NLRP1: variants seen among roughly 807,000 people sequenced by gnomAD.
The protein encoded by NLRP1 is NACHT, LRR and PYD domains-containing protein 1.
Under a neutral mutation model 136.7 loss-of-function variants are expected in NLRP1, and 94 were observed. The observed-to-expected ratio is 0.69, with a 90% confidence interval of 0.58 to 0.82. The LOEUF (loss-of-function observed/expected upper bound fraction) is 0.82, where lower values mean the gene tolerates loss of function less well. Ranked by LOEUF, NLRP1 falls within the 40% of genes least tolerant of loss-of-function variation. The probability of loss-of-function intolerance (pLI) is 0.00; values close to 1 mark genes in which losing one functional copy is unlikely to be tolerated. For missense variants in NLRP1, 1,575 were observed against 1,802.7 expected (o/e 0.87, Z 2.29); for synonymous variants, 690 against 725.1 (o/e 0.95, Z 0.78).
intron 3 of NLRP1, among the ~76,000 whole-genome samples, chr17:5,576,453 G>A (rs1905028653): frequency 6.6e-6 from 1 of 152,126 alleles, no homozygotes; most frequent in Admixed American, 6.6e-5. Flanking sequence ...TATCACCACC[G>A]ATCCTACAGA....
At chr17:5,545,433 G>A (rs1213876473) in intron 5 of NLRP1, among the ~76,000 whole-genome samples, 1 of 145,074 alleles carries the variant, frequency 6.9e-6, no homozygotes, top group Non-Finnish European at 1.5e-5. Context: ...CATACACAGA[G>A]ACACACACTT....
intron 3 of NLRP1, among the ~76,000 whole-genome samples, chr17:5,571,994 G>A (rs116625738): frequency 0.018 from 2,702 of 152,206 alleles, 74 homozygotes; most frequent in African/African-American, 0.062. Context: ...AACAAGCAAT[G>A]GGGAAAGCAT....
intron 12 of NLRP1, among the ~76,000 whole-genome samples, chr17:5,524,876 G>A (rs978040680): frequency 1.3e-5 from 2 of 152,270 alleles, no homozygotes; most frequent in Non-Finnish European, 2.9e-5. Flanking sequence ...GCCCAGGACC[G>A]AGAGGGCTCC....
At chr17:5,571,822 G>A (rs1904391813) in intron 3 of NLRP1, among the ~76,000 whole-genome samples, 1 of 152,048 alleles carries the variant, frequency 6.6e-6, no homozygotes, top group South Asian at 2.1e-4. Flanking sequence ...CAAATCTGGA[G>A]GCATCACATT....
intron 5 of NLRP1, among the ~76,000 whole-genome samples, chr17:5,545,369 C>A (rs542267352): frequency 6.8e-6 from 1 of 146,416 alleles, no homozygotes; most frequent in Non-Finnish European, 1.5e-5. Context: ...GACACCCACA[C>A]AGACACAGAC....
intron 3 of NLRP1, among the ~76,000 whole-genome samples, chr17:5,571,884 C>T (rs1233691220): frequency 2.0e-5 from 3 of 152,180 alleles, no homozygotes; most frequent in Admixed American, 1.3e-4. Context: ...CGGCATGCTA[C>T]TGGTACAAAA....
chr17:5,524,898 G>T (rs1420576636), intron 12 of NLRP1, among the ~76,000 whole-genome samples: 1 of 152,204 alleles, frequency 6.6e-6, no homozygotes. Context: ...GGGGGTGCAG[G>T]ACTGTCAGTG....
intron 3 of NLRP1, among the ~76,000 whole-genome samples, chr17:5,566,331 C>T (rs1915330037): frequency 1.3e-5 from 2 of 151,798 alleles, no homozygotes; most frequent in African/African-American, 4.8e-5. Context: ...CTTAATATAT[C>T]CCATAGGTTT....
chr17:5,521,142 C>G (rs1020807807), intron 13 of NLRP1, 130 bp from the exon 14 acceptor site: 2 of 869,118 alleles, frequency 2.3e-6, no homozygotes, highest in African/African-American at 1.7e-5. Context: ...CTCCCTCCCC[C>G]CATGCACTGC....
rs61420769 is a variant in NLRP1, at chr17:5,517,353, C to A, written c.4057+393G>T. 1.8e-4 allele frequency among the ~76,000 whole-genome samples: 14 copies of A among 79,140 alleles called. 1 individual carries two copies. The highest frequency in any genetic ancestry group is 9.5e-4 in the South Asian group (2 of 2,112). 51.9% of individuals were successfully genotyped at this position (79,140 alleles called of 152,430 possible). On this transcript the variant is annotated intron_variant, in intron 15 of 16. Transcript: ENST00000572272. ...AAACTGTGATAGTGCACTCTGCACC[C>A]CCCCCCCTCCCACATACACAGACTT...
chr17:5,504,587 A>G lies in NLRP1; in HGVS notation c.4070-2715T>C, dbSNP rs150504138. 0.01 allele frequency: 1,536 copies of G among 152,268 alleles called. 9 individuals carry two copies. The highest frequency in any genetic ancestry group is 0.017 in the Non-Finnish European group (1,189 of 68,164). 9.4% of individuals were successfully genotyped at this position (152,268 alleles called of 1,614,324 possible). ...GTGAGCTGAGATCACACCACTGCAC[A>G]CCAGCCTGGGTGATAGACTGAGACT... is the stretch of plus-strand genomic sequence containing the variant. On this transcript the variant is annotated intron_variant, in intron 15 of 15. Coordinates refer to the NLRP1 transcript ENST00000262467. The surrounding 1 kb of genome is among the most constrained non-coding windows in gnomAD (Gnocchi z 4.4).
chr17:5,555,026 C>T (rs866961180), intron 4 of NLRP1, among the ~76,000 whole-genome samples: 9 of 114,646 alleles, frequency 7.9e-5, no homozygotes, highest in Non-Finnish European at 1.3e-4. Context: ...ATCACACACA[C>T]ACACACACAC....
At position 5,559,148 on chromosome 17, in the gene NLRP1, C is replaced by G; in HGVS notation, c.1548G>C (p.Leu516=). Residue 516 remains leucine (L), a synonymous_variant, in exon 4 of 17, where the codon CTG becomes CTC. Coordinates refer to ENST00000572272, the MANE Select transcript of NLRP1 (RefSeq NM_033004.4). ...GCCAGGACACCCAGGGCACAAGACA[C>G]AGGGCCCAGAGCTCTTTGTTTGATT... The part of the protein sequence containing the change: ...LVKSNKELWA[L]CLVPWVSWLA... The G allele has an allele frequency of 6.2e-7, 1 of 1,614,194 alleles. No homozygotes were observed. The highest frequency in any genetic ancestry group is 2.2e-5 in the East Asian group (1 of 44,878).
chr17:5,531,981 G>A lies in NLRP1; in HGVS notation c.3296+841C>T, dbSNP rs182301129. Among the ~76,000 whole-genome samples the A allele has an allele frequency of 1.0e-3, 152 of 152,264 alleles. 1 individual carries two copies. The highest frequency in any genetic ancestry group is 3.6e-3 in the African/African-American group (150 of 41,556). On this transcript the variant is annotated intron_variant, in intron 11 of 16. Transcript: ENST00000572272. ...CAACTGGCCAGGCGCGGTGGCTCAC[G>A]CCTGTAATCCCAGCACTTTGGGAGG...
chr17:5,560,932 G>A (rs1258769304), intron 3 of NLRP1, among the ~76,000 whole-genome samples: 1 of 152,230 alleles, frequency 6.6e-6, no homozygotes, highest in Non-Finnish European at 1.5e-5. Context: ...TTGTTTCCCA[G>A]GGAGGGACCT....
intron 9 of NLRP1, 41 bp downstream of exon 9, chr17:5,533,856 A>G: frequency 7.3e-7 from 1 of 1,364,248 alleles, no homozygotes; most frequent in Non-Finnish European, 1.0e-6. Context: ...ACCTCCCCCA[A>G]CCCCTGTCAC....
intron 8 of NLRP1, among the ~76,000 whole-genome samples, chr17:5,536,010 C>A (rs938251807): frequency 6.6e-6 from 1 of 152,128 alleles, no homozygotes; most frequent in African/African-American, 2.4e-5. Flanking sequence ...CTTTATCTCC[C>A]TCTTGTGATC....
In NLRP1 at chr17:5,584,226, G is replaced by A. The variant is rs200883906; in HGVS notation, c.-269C>T. ...GGGAGGTCCTGGGATGGGGTCCAGG[G>A]CCAGGCAGGGAGGGTGAGGGTGAGG... On this transcript the variant is annotated 5_prime_UTR_variant, in exon 1 of 17. Coordinates refer to ENST00000572272, the MANE Select transcript of NLRP1 (RefSeq NM_033004.4). 3 of 540,086 alleles carry A rather than the reference G, an allele frequency of 5.6e-6. No individual in the cohort carries two copies. The highest frequency in any genetic ancestry group is 1.0e-5 in the Non-Finnish European group (3 of 300,390). 33.5% of individuals were successfully genotyped at this position (540,086 alleles called of 1,614,324 possible).
chr17:5,505,884 T>TCA (rs1204851949), intron 15 of NLRP1: 2 of 152,382 alleles, frequency 1.3e-5, no homozygotes, highest in Non-Finnish European at 2.9e-5. Context: ...CCGTTTTCTT[T>TCA]CACACACACA....
Sources: gnomAD v4.1 joint callset for allele counts (sites outside exome capture counted in the v4.1 genomes callset) on GRCh38, gnomAD v4.1.1 for gene constraint, Gnocchi (gnomAD v3.1) non-coding constraint, MANE v1.5 for transcripts, NCBI Gene and HGNC (gene_info 2026-07-23, HGNC 2026-07-21) for gene names.